F5: variants seen among roughly 807,000 people sequenced by gnomAD.
The protein encoded by F5 is coagulation factor V.
A neutral mutation model predicts 216.4 loss-of-function variants in F5; 138 were observed. That is an observed-to-expected ratio of 0.64 (90% CI 0.56 to 0.73). The LOEUF (loss-of-function observed/expected upper bound fraction) is 0.73, where lower values mean the gene tolerates loss of function less well. Among genes scored for constraint, F5 ranks in the 30% least tolerant of loss-of-function variants. F5 has a pLI of 0.00. For synonymous variants in F5, 916 were observed against 930.7 expected (o/e 0.98, Z 0.29); for missense variants, 2,403 against 2,674.0 (o/e 0.90, Z 2.24).
rs551578592 is a variant in F5 at position 169,512,439 on chromosome 1, T to C, written c.*1874A>G. Among the ~76,000 whole-genome samples the C allele has an allele frequency of 2.0e-5, 3 of 152,104 alleles. No individual in the cohort carries two copies. The highest frequency in any genetic ancestry group is 1.9e-4 in the East Asian group (1 of 5,178). On this transcript the variant is annotated 3_prime_UTR_variant, in exon 25 of 25. Transcript: ENST00000367797. ...CTAGCTGCGTAATTTGTGGGGCTCA[T>C]TGAAAAATGGAAATGTCGAATTCCT...
At position 169,512,751 on chromosome 1, in the gene F5, C is replaced by T. The variant is rs369460775; in HGVS notation, c.*1562G>A. ...CAATGTTTTGTGGATGTTTGAAACT[C>T]TCATATACATTCATAGGGCTTACCC... On this transcript the variant is annotated 3_prime_UTR_variant, in exon 25 of 25. Coordinates refer to ENST00000367797, the MANE Select transcript of F5 (RefSeq NM_000130.5). 1.3e-5 allele frequency among the ~76,000 whole-genome samples: 2 copies of T among 152,192 alleles called. No individual in the cohort carries two copies. Among genetic ancestry groups the T allele is most frequent in the East Asian group, 3.9e-4 (2 of 5,172 alleles).
At chr1:169,533,409 ATTAAACT>A (rs1659633297) in intron 14 of F5, among the ~76,000 whole-genome samples, 1 of 152,318 alleles carries the variant, frequency 6.6e-6, no homozygotes, top group South Asian at 2.1e-4. Flanking sequence ...AAATTGACAA[ATTAAACT>A]AAAGAGCTTC....
chr1:169,560,773 G>C lies in F5; in HGVS notation c.374-7C>G. ...TGGTCAAGGTAAGAAGCACCTGGAG[G>C]AGTAACAGCCATCAAGACATGTGGG... On this transcript the variant is annotated splice_polypyrimidine_tract_variant and splice_region_variant and intron_variant, in intron 3 of 24. Transcript: ENST00000367797. 6.2e-7 allele frequency: 1 copy of C among 1,611,504 alleles called. No individual in the cohort carries two copies. Among genetic ancestry groups the C allele is most frequent in the South Asian group, 1.1e-5 (1 of 90,986 alleles).
intron 3 of F5, among the ~76,000 whole-genome samples, chr1:169,561,104 G>T (rs1172166908): frequency 6.6e-6 from 1 of 152,100 alleles, no homozygotes; most frequent in Non-Finnish European, 1.5e-5. Context: ...ATAAGAATGG[G>T]TGATATCTTC....
rs149057377 is a variant in F5, at chr1:169,530,013, T to C, written c.5209-195A>G. Among the ~76,000 whole-genome samples, 686 of 152,310 alleles carry C rather than the reference T, an allele frequency of 4.5e-3. 6 individuals carry two copies. Among genetic ancestry groups the C allele is most frequent in the African/African-American group, 0.016 (655 of 41,576 alleles). On this transcript the variant is annotated intron_variant, in intron 15 of 24. Transcript: ENST00000367797. The stretch of plus-strand genomic sequence containing the variant: ...TATTCATAATCCTCCTTCCTCTGAT[T>C]GATCTTTATCCCAGTAACAATGATG...
In F5 at chr1:169,520,602, C is replaced by A; in HGVS notation, c.6111G>T (p.Val2037=). The part of the protein sequence containing the change: ...IKENQFDPPI[V]ARYIRISPTR... ...TTGGAGAGATCCTAATATATCTAGC[C>A]ACAATAGGTGGGTCAAACTGATTCT... is the stretch of plus-strand genomic sequence containing the variant. Residue 2037 remains valine, a synonymous_variant, in exon 22 of 25, where the codon GTG becomes GTT. Transcript: ENST00000367797. 6.2e-7 allele frequency: 1 copy of A among 1,613,858 alleles called. No individual in the cohort carries two copies. The highest frequency in any genetic ancestry group is 8.5e-7 in the Non-Finnish European group (1 of 1,179,882).
At chr1:169,576,175 A>G (rs6677374) in intron 2 of F5, among the ~76,000 whole-genome samples, 102,604 of 151,890 alleles carry the variant, frequency 0.68, 35,832 homozygotes, top group East Asian at 0.88. Flanking sequence ...TGGACTTCTC[A>G]TCTGCAGATA....
At position 169,585,378 on chromosome 1, in the gene F5, G is replaced by C. The variant is rs1250182602; in HGVS notation, c.158+851C>G. Among the ~76,000 whole-genome samples, 3 of 152,130 alleles carry C rather than the reference G, an allele frequency of 2.0e-5. No individual in the cohort carries two copies. In the East Asian group the frequency reaches 5.8e-4, roughly 29 times the overall value. Reference sequence around the variant, plus strand: ...AGGAACACATCTTTCATAATGAAGTGTGATGTAAGGAAAAAAAGTGAGTCA... The same window carrying C: ...AGGAACACATCTTTCATAATGAAGTCTGATGTAAGGAAAAAAAGTGAGTCA... On this transcript the variant is annotated intron_variant, in intron 1 of 24. Coordinates refer to ENST00000367797, the MANE Select transcript of F5 (RefSeq NM_000130.5).
At chr1:169,520,498 A>G in intron 22 of F5, 22 bp downstream of exon 22, 3 of 1,613,862 alleles carry the variant, frequency 1.9e-6, no homozygotes, top group South Asian at 2.2e-5. Flanking sequence ...CAGTGAGAAA[A>G]TAATGCATCT....
intron 3 of F5, among the ~76,000 whole-genome samples, chr1:169,571,728 G>T (rs1660727617): frequency 6.6e-6 from 1 of 152,086 alleles, no homozygotes; most frequent in Admixed American, 6.6e-5. Context: ...TTGAGGGAAA[G>T]AATACGGTAA....
intron 15 of F5, 74 bp from the exon 16 acceptor site, chr1:169,529,892 T>A (rs899228450): frequency 1.8e-5 from 23 of 1,282,272 alleles, no homozygotes; most frequent in Non-Finnish European, 2.4e-5. Flanking sequence ...ACTCATCATA[T>A]AGAAAAGGAA....
intron 2 of F5, among the ~76,000 whole-genome samples, chr1:169,577,605 G>GTATA (rs1660892709): frequency 1.8e-5 from 1 of 56,846 alleles, no homozygotes; most frequent in Non-Finnish European, 3.3e-5. Context: ...ATATATATAT[G>GTATA]TATGTATTTT....
rs545681641 is a variant in F5 at position 169,572,269 on chromosome 1, G to A, written c.325C>T (p.Pro109Ser). 5 of 1,612,994 alleles carry A rather than the reference G, an allele frequency of 3.1e-6. No homozygotes were observed. Among genetic ancestry groups the A allele is most frequent in the Non-Finnish European group, 4.2e-6 (5 of 1,179,456 alleles). ...ATTCCTTGAGGATGGATGCTCAAGG[G>A]CTTATCTGCCTTATTTTTAAAGTGA... ...KVHFKNKADK[P>S]LSIHPQGIRY... The change falls in exon 3 of 25, where the codon CCC becomes TCC. Residue 109 changes from proline (P) to serine (S), a missense_variant. Around this residue, in one of 4 missense-constraint regions of F5, gnomAD observed 1,425 missense variants for 1,554.8 expected, o/e 0.92. Coordinates refer to ENST00000367797, the MANE Select transcript of F5 (RefSeq NM_000130.5).
intron 2 of F5, among the ~76,000 whole-genome samples, chr1:169,579,946 G>C (rs1294408197): frequency 6.6e-6 from 1 of 152,080 alleles, no homozygotes; most frequent in East Asian, 1.9e-4. Flanking sequence ...ATGGATCCCT[G>C]ATCCCCATCT....
chr1:169,586,432 GC>G lies in F5; in HGVS notation c.-47del. ...TGGCTGCCACCACCCCAGGACCTGG[GC>G]AGCGCTTGCCGAGCTGCTAACCACA... On this transcript the variant is annotated 5_prime_UTR_variant, in exon 1 of 25. Coordinates refer to ENST00000367797, the MANE Select transcript of F5 (RefSeq NM_000130.5). 1 of 1,591,508 alleles carries G rather than the reference GC, an allele frequency of 6.3e-7. No homozygotes were observed. The highest frequency in any genetic ancestry group is 8.5e-7 in the Non-Finnish European group (1 of 1,172,966).
chr1:169,534,557 A>G (rs1024779852), intron 14 of F5, among the ~76,000 whole-genome samples: 82 of 151,756 alleles, frequency 5.4e-4, no homozygotes, highest in African/African-American at 1.8e-3. Flanking sequence ...AATCCCAGCT[A>G]CTCGGGAGGC....
At position 169,512,625 on chromosome 1, in the gene F5, C is replaced by G. The variant is rs999216938; in HGVS notation, c.*1688G>C. On this transcript the variant is annotated 3_prime_UTR_variant, in exon 25 of 25. Transcript: ENST00000367797. ...ATGTTTTCCCCCACCTTCCAACATT[C>G]TCTTTTGCTCTTAACGGAATGGAAA... Among the ~76,000 whole-genome samples the G allele has an allele frequency of 2.6e-5, 4 of 152,070 alleles. No homozygotes were observed. The highest frequency in any genetic ancestry group is 9.7e-5 in the African/African-American group (4 of 41,424).
intron 8 of F5, 40 bp from the exon 9 acceptor site, chr1:169,550,779 G>T: frequency 1.4e-6 from 2 of 1,429,490 alleles, no homozygotes; most frequent in South Asian, 2.3e-5. Flanking sequence ...ATTTAAGGTT[G>T]ATCATGACAA....
intron 10 of F5, among the ~76,000 whole-genome samples, chr1:169,547,647 C>T (rs1370369132): frequency 2.6e-5 from 4 of 152,094 alleles, no homozygotes; most frequent in African/African-American, 9.7e-5. Context: ...GAGATACCAT[C>T]TCGCACCAAT....
Sources: allele counts gnomAD v4.1 joint callset (sites outside exome capture counted in the v4.1 genomes callset), GRCh38; gene constraint gnomAD v4.1.1; regional missense constraint gnomAD v4.1.1; transcripts MANE v1.5; gene names NCBI Gene and HGNC (gene_info 2026-07-23, HGNC 2026-07-21).